The following ABLIM2 variants were observed in gnomAD, a reference collection of about 807,000 sequenced individuals.
ABLIM2 encodes the protein actin-binding LIM protein 2.
In ABLIM2, 53 loss-of-function variants were observed where a neutral mutation model predicts 97.7. The ratio of observed to expected loss-of-function variants is 0.54; its 90% CI spans 0.44 to 0.68. The LOEUF (loss-of-function observed/expected upper bound fraction) is 0.68, where lower values mean the gene tolerates loss of function less well. ABLIM2 is among the 30% of genes least tolerant of loss of function. The probability of loss-of-function intolerance (pLI) is 0.00; values close to 1 mark genes in which losing one functional copy is unlikely to be tolerated. For missense variants in ABLIM2, 835 were observed against 867.2 expected (o/e 0.96, Z 0.47); for synonymous variants, 361 against 345.8 (o/e 1.04, Z -0.49).
intron 3 of ABLIM2, among the ~76,000 whole-genome samples, chr4:8,091,044 C>T (rs12501921): frequency 0.28 from 42,225 of 150,818 alleles, 5,932 homozygotes; most frequent in East Asian, 0.31. Context: ...TTATCAGAAA[C>T]TGCCAAGCCG....
intron 6 of ABLIM2, among the ~76,000 whole-genome samples, chr4:8,070,490 T>C (rs545097039): frequency 2.5e-4 from 38 of 152,064 alleles, no homozygotes; most frequent in Non-Finnish European, 5.3e-4. Context: ...AAATGCTGTA[T>C]TTATTTGGAA....
At chr4:8,077,028 C>T (rs1272781306) in intron 6 of ABLIM2, among the ~76,000 whole-genome samples, 4 of 81,874 alleles carry the variant, frequency 4.9e-5, no homozygotes, top group South Asian at 3.8e-4. Flanking sequence ...TCTGTGAATC[C>T]GAAGGGTGGG....
At chr4:8,077,573 G>C (rs1243907445) in intron 6 of ABLIM2, 55 bp downstream of exon 6, 2 of 1,475,734 alleles carry the variant, frequency 1.4e-6, no homozygotes, top group African/African-American at 2.9e-5. Flanking sequence ...CAACTCCCAG[G>C]GGGGCAGTTA....
intron 20 of ABLIM2, among the ~76,000 whole-genome samples, chr4:7,967,321 G>C (rs571086482): frequency 5.9e-5 from 9 of 152,238 alleles, no homozygotes; most frequent in Non-Finnish European, 4.4e-5. Context: ...ACAGCACCCA[G>C]TGGTGGAGCT....
At chr4:8,096,969 G>T in intron 3 of ABLIM2, 130 bp downstream of exon 3, 1 of 1,195,512 alleles carries the variant, frequency 8.4e-7, no homozygotes, top group Non-Finnish European at 1.2e-6. Context: ...GTGGGGCCTG[G>T]AACAGCCTCG....
chr4:7,989,871 C>T (rs925378138), intron 17 of ABLIM2, among the ~76,000 whole-genome samples: 4 of 152,204 alleles, frequency 2.6e-5, no homozygotes, highest in African/African-American at 9.7e-5. Flanking sequence ...GCATCAGAGT[C>T]ATTACTGCCT....
At chr4:7,990,321 C>T (rs1006059153) in intron 17 of ABLIM2, among the ~76,000 whole-genome samples, 7 of 152,078 alleles carry the variant, frequency 4.6e-5, no homozygotes, top group Non-Finnish European at 1.0e-4. Flanking sequence ...CTCAGCCTCC[C>T]GAGTGGCTGG....
At position 8,127,707 on chromosome 4, in the gene ABLIM2, C is replaced by T. The variant is rs957805190; in HGVS notation, c.11-21070G>A. On this transcript the variant is annotated intron_variant, in intron 1 of 20. Transcript: ENST00000447017. The surrounding 1 kb of genome is among the most constrained non-coding windows in gnomAD (Gnocchi z 7.3). ...GGCCCACAGGGCTCCCACAAGGTCA[C>T]GTGGCAGCTGCCACCCTCTGCCCGG... is the stretch of plus-strand genomic sequence containing the variant. 4.9e-5 allele frequency: 61 copies of T among 1,237,946 alleles called. No homozygotes were observed. Among genetic ancestry groups the T allele is most frequent in the Non-Finnish European group, 5.3e-5 (51 of 958,362 alleles). The allele number at this position is 1,237,946 out of a possible 1,614,324, so 76.7% of individuals were successfully genotyped here.
chr4:8,070,543 C>T (rs1210135003), intron 6 of ABLIM2, among the ~76,000 whole-genome samples: 2 of 152,138 alleles, frequency 1.3e-5, no homozygotes, highest in African/African-American at 4.8e-5. Context: ...ATCCGTGCTT[C>T]CTGCCCCAAG....
rs2150189546 is a variant in ABLIM2 at position 8,001,035 on chromosome 4, C to T, written c.1618+7024G>A. Reference sequence around the variant, plus strand: ...CACTCGCTTGGGCAGTTCCCATCCGCTCCTGGGTGCACGGGCAGGAGGTTT... The same window carrying T: ...CACTCGCTTGGGCAGTTCCCATCCGTTCCTGGGTGCACGGGCAGGAGGTTT... On this transcript the variant is annotated intron_variant, in intron 16 of 20. Coordinates refer to ENST00000447017, the MANE Select transcript of ABLIM2 (RefSeq NM_001130083.2). The surrounding 1 kb of genome is among the most constrained non-coding windows in gnomAD (Gnocchi z 4.2). 6.6e-6 allele frequency among the ~76,000 whole-genome samples: 1 copy of T among 152,356 alleles called. No individual in the cohort carries two copies. Among genetic ancestry groups the T allele is most frequent in the African/African-American group, 2.4e-5 (1 of 41,594 alleles).
chr4:8,071,740 C>A lies in ABLIM2; in HGVS notation c.675+5888G>T. 1 of 985,562 alleles carries A rather than the reference C, an allele frequency of 1.0e-6. No homozygotes were observed. The highest frequency in any genetic ancestry group is 1.2e-6 in the Non-Finnish European group (1 of 830,080). 61.1% of individuals were successfully genotyped at this position (985,562 alleles called of 1,614,324 possible). On this transcript the variant is annotated intron_variant, in intron 6 of 20. Transcript: ENST00000447017. The surrounding 1 kb of genome is among the most constrained non-coding windows in gnomAD (Gnocchi z 6.2). Reference sequence around the variant, plus strand: ...CTGGCCCCTGTGAGCCCCCATCAGCCCCTTGGAGTTGCGGGCCAGGTTTCC... The same window carrying A: ...CTGGCCCCTGTGAGCCCCCATCAGCACCTTGGAGTTGCGGGCCAGGTTTCC...
chr4:8,106,731 G>A, intron 1 of ABLIM2, 94 bp from the exon 2 acceptor site: 2 of 1,449,734 alleles, frequency 1.4e-6, no homozygotes, highest in Middle Eastern at 1.8e-4. Flanking sequence ...AGCTGACCCT[G>A]CCAGCGGGCC....
chr4:8,053,393 A>G (rs1259456365), intron 8 of ABLIM2, among the ~76,000 whole-genome samples: 1 of 152,186 alleles, frequency 6.6e-6, no homozygotes, highest in African/African-American at 2.4e-5. Context: ...TGCTCTGACC[A>G]CCTTGCACAC....
intron 2 of ABLIM2, among the ~76,000 whole-genome samples, chr4:8,102,822 T>G (rs1460034867): frequency 6.6e-6 from 1 of 152,202 alleles, no homozygotes; most frequent in Non-Finnish European, 1.5e-5. Flanking sequence ...AGGACGGCCA[T>G]GATTGGGCTA....
intron 3 of ABLIM2, among the ~76,000 whole-genome samples, chr4:8,090,205 G>A (rs1010944242): frequency 6.6e-5 from 10 of 152,184 alleles, no homozygotes; most frequent in Non-Finnish European, 1.5e-4. Context: ...CTGCCACCTG[G>A]GTCTCCGTGT....
In ABLIM2 at chr4:7,965,949, C is replaced by A. The variant is rs1246695213; in HGVS notation, c.*1041G>T. On this transcript the variant is annotated 3_prime_UTR_variant, in exon 21 of 21. Coordinates refer to ENST00000447017, the MANE Select transcript of ABLIM2 (RefSeq NM_001130083.2). ...ATCAAGAGCTACGTCGGGTATTAGG[C>A]AGGGTACGTGGAAACCCTTGATTCC... is the stretch of plus-strand genomic sequence containing the variant. The A allele has an allele frequency of 6.6e-6, 1 of 152,220 alleles. No homozygotes were observed. The highest frequency in any genetic ancestry group is 6.5e-5 in the Admixed American group (1 of 15,286). 9.4% of individuals were successfully genotyped at this position (152,220 alleles called of 1,614,324 possible).
At position 7,970,793 on chromosome 4, in the gene ABLIM2, G is replaced by A. The variant is rs944743944; in HGVS notation, c.1825-3690C>T. Among the ~76,000 whole-genome samples the A allele has an allele frequency of 3.9e-5, 6 of 151,992 alleles. No individual in the cohort carries two copies. The highest frequency in any genetic ancestry group is 1.4e-4 in the African/African-American group (6 of 41,392). On this transcript the variant is annotated intron_variant, in intron 20 of 20. Transcript: ENST00000447017. The surrounding 1 kb of genome is among the most constrained non-coding windows in gnomAD (Gnocchi z 5.3). Reference sequence around the variant, plus strand: ...GGACGCTCCATCACCAGAGGCCCTGGGGAGCAGCCTGGTTGGGCAGACCAC... The same window carrying A: ...GGACGCTCCATCACCAGAGGCCCTGAGGAGCAGCCTGGTTGGGCAGACCAC...
At chr4:8,011,079 G>A (rs1179507346) in intron 14 of ABLIM2, among the ~76,000 whole-genome samples, 4 of 152,216 alleles carry the variant, frequency 2.6e-5, no homozygotes, top group East Asian at 3.8e-4. Context: ...TTAAGTCGTC[G>A]CTCCAGCTGA....
rs199996481 is a variant in ABLIM2, at chr4:8,122,628, G to T, written c.11-15991C>A. Among the ~76,000 whole-genome samples, 1 of 152,176 alleles carries T rather than the reference G, an allele frequency of 6.6e-6. No individual in the cohort carries two copies. Among genetic ancestry groups the T allele is most frequent in the East Asian group, 1.9e-4 (1 of 5,188 alleles). Reference sequence around the variant, plus strand: ...TCCTCCAAATAGCGTCACCCTGGGGGTTTGGGCTTCCAAGTGTGAATGCTA... The same window carrying T: ...TCCTCCAAATAGCGTCACCCTGGGGTTTTGGGCTTCCAAGTGTGAATGCTA... On this transcript the variant is annotated intron_variant, in intron 1 of 20. Transcript: ENST00000447017. The surrounding 1 kb of genome is among the most constrained non-coding windows in gnomAD (Gnocchi z 4.1).
Sources: gnomAD v4.1 joint callset for allele counts (sites outside exome capture counted in the v4.1 genomes callset) on GRCh38, gnomAD v4.1.1 for gene constraint, Gnocchi (gnomAD v3.1) non-coding constraint, MANE v1.5 for transcripts, NCBI Gene and HGNC (gene_info 2026-07-23, HGNC 2026-07-21) for gene names.